PABPC4L: variants seen among roughly 807,000 people sequenced by gnomAD.
PABPC4L encodes the protein poly(A) binding protein cytoplasmic 4 like, also known as polyadenylate-binding protein 4-like.
For synonymous variants in PABPC4L, 169 were observed against 164.1 expected (o/e 1.03, Z -0.23); for missense variants, 452 against 451.4 (o/e 1.00, Z -0.01).
chr4:134,039,982 T>A, the PABPC4L span, among the ~76,000 whole-genome samples: 1 of 151,532 alleles, frequency 6.6e-6, no homozygotes, highest in Non-Finnish European at 1.5e-5. Flanking sequence ...ACAAAAAAAA[T>A]AAAATACCTT....
the PABPC4L span, among the ~76,000 whole-genome samples, chr4:133,981,422 T>C: frequency 1.3e-5 from 2 of 152,120 alleles, no homozygotes; most frequent in African/African-American, 4.8e-5. Flanking sequence ...TATATAATAA[T>C]ACATTGAAAA....
At chr4:134,028,705 G>C in the PABPC4L span, among the ~76,000 whole-genome samples, 1 of 152,014 alleles carries the variant, frequency 6.6e-6, no homozygotes, top group African/African-American at 2.4e-5. Context: ...GAATGAGCAA[G>C]ATAAAAAATT....
the PABPC4L span, among the ~76,000 whole-genome samples, chr4:134,042,152 GT>G: frequency 1.3e-5 from 2 of 152,144 alleles, no homozygotes; most frequent in Non-Finnish European, 2.9e-5. Context: ...TGATACTGTA[GT>G]TTTTTGATCT....
At chr4:134,079,392 A>G in the PABPC4L span, among the ~76,000 whole-genome samples, 1 of 137,058 alleles carries the variant, frequency 7.3e-6, no homozygotes, top group African/African-American at 2.8e-5. Flanking sequence ...CATCCTGGCT[A>G]ATACGGTGAA....
the PABPC4L span, among the ~76,000 whole-genome samples, chr4:133,948,926 T>C: frequency 2.6e-5 from 4 of 152,344 alleles, no homozygotes; most frequent in Admixed American, 1.3e-4. Context: ...GTCATGGGAC[T>C]AGGAGTTATA....
At chr4:134,178,907 C>A in the PABPC4L span, among the ~76,000 whole-genome samples, 1 of 151,944 alleles carries the variant, frequency 6.6e-6, no homozygotes, top group African/African-American at 2.4e-5. Flanking sequence ...TGTAAAAACA[C>A]CAAATTTATG....
the PABPC4L span, among the ~76,000 whole-genome samples, chr4:134,016,823 A>G: frequency 1.3e-5 from 2 of 151,402 alleles, no homozygotes; most frequent in African/African-American, 4.9e-5. Context: ...CTATTCTACT[A>G]CCCCTCAGGG....
At chr4:134,124,536 C>A in the PABPC4L span, among the ~76,000 whole-genome samples, 1 of 151,988 alleles carries the variant, frequency 6.6e-6, no homozygotes, top group East Asian at 1.9e-4. Flanking sequence ...CTCCAAATTG[C>A]AATTCTTGTT....
At chr4:134,070,643 G>T in the PABPC4L span, among the ~76,000 whole-genome samples, 2 of 152,130 alleles carry the variant, frequency 1.3e-5, no homozygotes, top group Non-Finnish European at 1.5e-5. Context: ...AGCAGTGGGG[G>T]TGTGGCTGTG....
the PABPC4L span, among the ~76,000 whole-genome samples, chr4:133,994,530 C>T: frequency 6.6e-5 from 10 of 152,120 alleles, no homozygotes; most frequent in East Asian, 1.9e-4. Context: ...TCCCTCATGC[C>T]GATAATTTTT....
chr4:134,138,219 G>A, the PABPC4L span, among the ~76,000 whole-genome samples: 4 of 151,618 alleles, frequency 2.6e-5, 1 homozygote, highest in Non-Finnish European at 4.4e-5. Context: ...CCAAAACCTA[G>A]TAAAAATATT....
chr4:134,058,872 A>G, the PABPC4L span, among the ~76,000 whole-genome samples: 2 of 152,044 alleles, frequency 1.3e-5, no homozygotes, highest in Non-Finnish European at 2.9e-5. Flanking sequence ...GGGAGATGTC[A>G]GTGAAATTAT....
chr4:133,956,483 C>G, the PABPC4L span, among the ~76,000 whole-genome samples: 1 of 152,028 alleles, frequency 6.6e-6, no homozygotes, highest in Non-Finnish European at 1.5e-5. Flanking sequence ...ACAAGTTACC[C>G]CCAAATATGG....
the PABPC4L span, among the ~76,000 whole-genome samples, chr4:134,093,571 C>CTTT: frequency 2.1e-5 from 3 of 144,082 alleles, no homozygotes; most frequent in Non-Finnish European, 3.0e-5. Context: ...TTTTCTTTCT[C>CTTT]TTTTTTTTTT....
the PABPC4L span, among the ~76,000 whole-genome samples, chr4:133,972,964 C>T: frequency 6.6e-6 from 1 of 152,108 alleles, no homozygotes; most frequent in African/African-American, 2.4e-5. Flanking sequence ...AACTAGCTGT[C>T]AGAAACATGC....
At chr4:134,054,533 C>T in the PABPC4L span, among the ~76,000 whole-genome samples, 1 of 151,570 alleles carries the variant, frequency 6.6e-6, no homozygotes, top group Admixed American at 6.6e-5. Flanking sequence ...TTTCCTTTGG[C>T]CCCTATCACC....
chr4:134,130,922 T>C, the PABPC4L span, among the ~76,000 whole-genome samples: 2 of 151,882 alleles, frequency 1.3e-5, no homozygotes, highest in South Asian at 2.1e-4. Context: ...ACCACATAAA[T>C]AGAATTAAAA....
At chr4:134,100,585 A>G in the PABPC4L span, among the ~76,000 whole-genome samples, 10 of 151,638 alleles carry the variant, frequency 6.6e-5, no homozygotes, top group Admixed American at 1.3e-4. Flanking sequence ...CTGTTTTTGT[A>G]AAAGTCTAAG....
chr4:134,151,922 A>T, the PABPC4L span, among the ~76,000 whole-genome samples: 2 of 151,756 alleles, frequency 1.3e-5, no homozygotes, highest in Admixed American at 1.3e-4. Context: ...ATCAGTTAAA[A>T]TTTTTTGCAA....
Sources: gnomAD v4.1 joint callset for allele counts (sites outside exome capture counted in the v4.1 genomes callset) on GRCh38, gnomAD v4.1.1 for gene constraint, MANE v1.5 for transcripts, NCBI Gene and HGNC (gene_info 2026-07-23, HGNC 2026-07-21) for gene names.